NNT: variants seen among roughly 807,000 people sequenced by gnomAD.
NNT encodes the protein nicotinamide nucleotide transhydrogenase.
In NNT, 50 loss-of-function variants were observed where a neutral mutation model predicts 104.8. The observed-to-expected ratio is 0.48, with a 90% CI of 0.38 to 0.60. NNT has a LOEUF of 0.60. Ranked by LOEUF, NNT falls within the 20% of genes least tolerant of loss-of-function variation. The probability of loss-of-function intolerance (pLI) is 0.00; values close to 1 mark genes in which losing one functional copy is unlikely to be tolerated. For missense variants in NNT, 1,131 were observed against 1,330.7 expected (o/e 0.85, Z 2.33); for synonymous variants, 461 against 490.4 (o/e 0.94, Z 0.79).
At chr5:43,698,018 G>C (rs1742645379) in intron 19 of NNT, among the ~76,000 whole-genome samples, 1 of 151,922 alleles carries the variant, frequency 6.6e-6, no homozygotes, top group Admixed American at 6.6e-5. Context: ...GATTCATTAT[G>C]GTTCCAGATG....
rs924785805 is a variant in NNT, at chr5:43,704,708, A to G, written c.*304A>G. 2 of 253,682 alleles carry G rather than the reference A, an allele frequency of 7.9e-6. No individual in the cohort carries two copies. Among genetic ancestry groups the G allele is most frequent in the African/African-American group, 4.6e-5 (2 of 43,426 alleles). 15.7% of individuals were successfully genotyped at this position (253,682 alleles called of 1,614,324 possible). A position where few individuals can be genotyped will look rare whatever the true frequency, so the allele number is the denominator to read the frequency against. Reference sequence around the variant, plus strand: ...TAGATGTAGTCCTGTTGGATTTTTTATGCCTCCTCAGTAACCAGAAATGTT... The same window carrying G: ...TAGATGTAGTCCTGTTGGATTTTTTGTGCCTCCTCAGTAACCAGAAATGTT... On this transcript the variant is annotated 3_prime_UTR_variant, in exon 22 of 22. Coordinates refer to ENST00000344920, the MANE Select transcript of NNT (RefSeq NM_182977.3).
chr5:43,666,847 G>GT, intron 17 of NNT: 1 of 1,458,948 alleles, frequency 6.9e-7, no homozygotes. Flanking sequence ...CTGGGCCTTG[G>GT]TTTGATCCTT....
intron 2 of NNT, among the ~76,000 whole-genome samples, chr5:43,610,825 A>T (rs1481491263): frequency 6.6e-6 from 1 of 152,232 alleles, no homozygotes; most frequent in Non-Finnish European, 1.5e-5. Flanking sequence ...AGACATGAAA[A>T]CTGTCCTTGT....
At chr5:43,648,677 T>G (rs983656118) in intron 10 of NNT, among the ~76,000 whole-genome samples, 1 of 152,174 alleles carries the variant, frequency 6.6e-6, no homozygotes, top group African/African-American at 2.4e-5. Flanking sequence ...TTAAAACCCC[T>G]ATTCCTCAGC....
rs142367607 is a variant in NNT, at chr5:43,616,063, G to A, written c.597G>A (p.Ala199=). 39 of 1,612,376 alleles carry A rather than the reference G, an allele frequency of 2.4e-5. No individual in the cohort carries two copies. The highest frequency in any genetic ancestry group is 3.0e-5 in the Non-Finnish European group (35 of 1,179,302). ...YDALSSMANI[A]GYKAVVLAAN... ...CGCTAAGCTCCATGGCCAACATTGC[G>A]GGGTAGGTTCTTTTCCATTTCAATT... Residue 199 remains alanine, a splice_region_variant and synonymous_variant, in exon 4 of 22, where the codon GCG becomes GCA. Transcript: ENST00000344920.
chr5:43,607,642 G>T (rs963999709), intron 1 of NNT, among the ~76,000 whole-genome samples: 3 of 152,132 alleles, frequency 2.0e-5, no homozygotes, highest in Non-Finnish European at 4.4e-5. Flanking sequence ...TAGTAGAGAC[G>T]AGGTTTTGCC....
intron 17 of NNT, among the ~76,000 whole-genome samples, chr5:43,671,172 C>A (rs536080135): frequency 6.6e-6 from 1 of 152,010 alleles, no homozygotes; most frequent in Non-Finnish European, 1.5e-5. Flanking sequence ...TGAGCCTATG[C>A]GTGTCTCTGC....
chr5:43,695,884 T>G (rs1012191182), intron 19 of NNT, among the ~76,000 whole-genome samples: 1 of 152,160 alleles, frequency 6.6e-6, no homozygotes, highest in Non-Finnish European at 1.5e-5. Context: ...ATGAGACTTA[T>G]GAGAACAGCA....
intron 19 of NNT, 71 bp downstream of exon 19, chr5:43,677,877 G>A (rs1741505446): frequency 3.3e-6 from 4 of 1,222,288 alleles, no homozygotes; most frequent in Non-Finnish European, 2.4e-6. Context: ...AAATACAGTG[G>A]ACCCTTGAAC....
At chr5:43,628,413 T>G (rs759190730) in intron 7 of NNT, 26 bp downstream of exon 7, 80 of 1,511,396 alleles carry the variant, frequency 5.3e-5, no homozygotes, top group Non-Finnish European at 6.7e-5. Context: ...AACGGTTATT[T>G]TAAAAGCACT....
At position 43,707,110 on chromosome 5, in the gene NNT, A is replaced by T. The variant is rs187918518; in HGVS notation, c.*2706A>T. 6.6e-6 allele frequency: 1 copy of T among 151,142 alleles called. No homozygotes were observed. Among genetic ancestry groups the T allele is most frequent in the East Asian group, 2.0e-4 (1 of 5,038 alleles). 9.4% of individuals were successfully genotyped at this position (151,142 alleles called of 1,614,324 possible). A position where few individuals can be genotyped will look rare whatever the true frequency, so the allele number is the denominator to read the frequency against. ...GTTGTGCACATGTACCCTAGAACTT[A>T]AAGTATAATTAAAAAAAAAAAGAAA... On this transcript the variant is annotated 3_prime_UTR_variant, in exon 22 of 22. Coordinates refer to ENST00000344920, the MANE Select transcript of NNT (RefSeq NM_182977.3).
rs1197922460 is a variant in NNT at position 43,655,038 on chromosome 5, G to C, written c.2060-802G>C. 2.0e-5 allele frequency among the ~76,000 whole-genome samples: 3 copies of C among 152,176 alleles called. No individual in the cohort carries two copies. In the South Asian group the frequency reaches 6.2e-4, roughly 31 times the overall value. ...TCCTAATTTGGGTATTTACTGCCCA[G>C]ATTTTTGCATTTCTTTACCTTGGGA... On this transcript the variant is annotated intron_variant, in intron 14 of 21. Coordinates refer to ENST00000344920, the MANE Select transcript of NNT (RefSeq NM_182977.3).
chr5:43,673,945 A>G (rs925054177), intron 17 of NNT, among the ~76,000 whole-genome samples: 4 of 151,386 alleles, frequency 2.6e-5, no homozygotes, highest in Admixed American at 1.3e-4. Context: ...TCTTGAACCC[A>G]GGAGGCGGAG....
At chr5:43,696,597 T>A (rs1742569807) in intron 19 of NNT, among the ~76,000 whole-genome samples, 1 of 152,238 alleles carries the variant, frequency 6.6e-6, no homozygotes, top group African/African-American at 2.4e-5. Flanking sequence ...CACATTTCCC[T>A]TCTGCACTGC....
At chr5:43,670,910 G>T (rs1338770940) in intron 17 of NNT, among the ~76,000 whole-genome samples, 2 of 151,990 alleles carry the variant, frequency 1.3e-5, no homozygotes, top group African/African-American at 4.8e-5. Flanking sequence ...ATTATTGTAT[G>T]GGAGTCTAAG....
At chr5:43,683,495 GA>G (rs1361758418) in intron 19 of NNT, among the ~76,000 whole-genome samples, 1 of 152,142 alleles carries the variant, frequency 6.6e-6, no homozygotes, top group African/African-American at 2.4e-5. Flanking sequence ...GTGATCTGAG[GA>G]AAAAACTTTC....
intron 4 of NNT, among the ~76,000 whole-genome samples, chr5:43,616,955 CA>C (rs1241879476): frequency 1.3e-5 from 2 of 152,058 alleles, no homozygotes; most frequent in African/African-American, 4.8e-5. Flanking sequence ...TTTAAAAAAA[CA>C]GTGCATAAAA....
At chr5:43,684,971 C>A (rs1741906897) in intron 19 of NNT, among the ~76,000 whole-genome samples, 2 of 152,166 alleles carry the variant, frequency 1.3e-5, no homozygotes, top group South Asian at 4.1e-4. Flanking sequence ...TCCAAAGGTC[C>A]TTGAGCTATA....
intron 19 of NNT, among the ~76,000 whole-genome samples, chr5:43,688,943 CT>C: frequency 6.6e-6 from 1 of 152,312 alleles, no homozygotes; most frequent in East Asian, 1.9e-4. Context: ...GGTAGATCTA[CT>C]TTCAGTTCTT....
Sources: gnomAD v4.1 joint callset for allele counts (sites outside exome capture counted in the v4.1 genomes callset) on GRCh38, gnomAD v4.1.1 for gene constraint, MANE v1.5 for transcripts, NCBI Gene and HGNC (gene_info 2026-07-23, HGNC 2026-07-21) for gene names.